The following ASCC2 variants were observed in gnomAD, a reference collection of about 807,000 sequenced individuals.
ASCC2 encodes the protein ASC-1 complex subunit P100.
In ASCC2, 42 loss-of-function variants were observed where a neutral mutation model predicts 93.5. That is an observed-to-expected ratio of 0.45 (90% confidence interval 0.35 to 0.58). The LOEUF is 0.58. Among genes scored for constraint, ASCC2 ranks in the 20% least tolerant of loss-of-function variants. The pLI is 0.00. For missense variants in ASCC2, 859 were observed against 977.6 expected (o/e 0.88, Z 1.62); for synonymous variants, 364 against 384.2 (o/e 0.95, Z 0.62).
In ASCC2 at chr22:29,804,643, C is replaced by T. The variant is rs1266995022; in HGVS notation, c.1348G>A (p.Glu450Lys). Residue 450 changes from glutamate to lysine, a missense_variant, in exon 13 of 20, where the codon GAG (glutamate) becomes AAG (lysine). Transcript: ENST00000307790. ...AGCGCCACTCAGACACATACCTCCTCTTCCTCCGAGTTCTCCGGATGTGAT... is the reference window on the plus strand; with the variant it reads ...AGCGCCACTCAGACACATACCTCCTTTTCCTCCGAGTTCTCCGGATGTGAT... ...ASSHPENSEE[E>K]ECMGAAAAVG... 2.5e-6 allele frequency: 4 copies of T among 1,613,806 alleles called. No homozygotes were observed. In the Admixed American group the frequency reaches 6.7e-5, roughly 27 times the overall value.
intron 8 of ASCC2, among the ~76,000 whole-genome samples, chr22:29,812,851 C>G (rs2060428546): frequency 6.6e-6 from 1 of 151,370 alleles, no homozygotes; most frequent in East Asian, 2.0e-4. Flanking sequence ...TCCCCCCAGG[C>G]TACTCTATTG....
chr22:29,809,622 T>C (rs1417490214), intron 8 of ASCC2, among the ~76,000 whole-genome samples: 1 of 151,656 alleles, frequency 6.6e-6, no homozygotes, highest in Non-Finnish European at 1.5e-5. Flanking sequence ...CCACTAAAAA[T>C]ACGAAAATTA....
intron 15 of ASCC2, among the ~76,000 whole-genome samples, chr22:29,796,926 G>A (rs1569367074): frequency 6.6e-6 from 1 of 152,162 alleles, no homozygotes; most frequent in Non-Finnish European, 1.5e-5. Flanking sequence ...GTTCTTTCAT[G>A]CTGTGTGGCC....
At chr22:29,806,130 T>C (rs1601934587) in intron 12 of ASCC2, 86 bp downstream of exon 12, 1 of 1,452,640 alleles carries the variant, frequency 6.9e-7, no homozygotes, top group Non-Finnish European at 9.7e-7. Flanking sequence ...TAAACCTCTT[T>C]CCACTCCTCT....
intron 15 of ASCC2, among the ~76,000 whole-genome samples, chr22:29,796,465 G>A (rs2058455710): frequency 6.6e-6 from 1 of 152,156 alleles, no homozygotes; most frequent in Non-Finnish European, 1.5e-5. Context: ...CAAAGGGAAT[G>A]AACTTGGTTC....
chr22:29,802,066 T>C lies in ASCC2; in HGVS notation c.1496A>G (p.Glu499Gly), dbSNP rs998240201. The C allele has an allele frequency of 2.5e-6, 4 of 1,613,938 alleles. No individual in the cohort carries two copies. Among genetic ancestry groups the C allele is most frequent in the Non-Finnish European group, 1.7e-6 (2 of 1,179,992 alleles). The change falls in exon 14 of 20, where the codon GAG (glutamate) becomes GGG (glycine). Residue 499 changes from glutamate (E) to glycine (G), a missense_variant. Transcript: ENST00000307790. The part of the protein sequence containing the change: ...ACLEYYHYDP[E>G]QVINNILEER... ...CTCCAGGATATTGTTGATCACCTGC[T>C]CTGGGTCGTAGTGGTAGTACTCCAG... is the stretch of plus-strand genomic sequence containing the variant.
At chr22:29,832,447 C>T (rs2063269544) in intron 1 of ASCC2, 105 bp from the exon 2 acceptor site, 13 of 873,076 alleles carry the variant, frequency 1.5e-5, no homozygotes, top group African/African-American at 3.4e-5. Context: ...TTCAACCTCT[C>T]GCCTTAGGAG....
rs2060617402 is a variant in ASCC2 at position 29,814,531 on chromosome 22, A to T, written c.720+126T>A. The T allele has an allele frequency of 6.1e-6, 4 of 660,340 alleles. No individual in the cohort carries two copies. The South Asian group carries it at 9.2e-5, about 15-fold the overall frequency. 40.9% of individuals were successfully genotyped at this position (660,340 alleles called of 1,614,324 possible). On this transcript the variant is annotated intron_variant, in intron 7 of 19. Coordinates refer to ENST00000307790, the MANE Select transcript of ASCC2 (RefSeq NM_032204.5). ...TAATAGTTGCTCACTGTGCTGGAGG[A>T]AGGGGCCCTGGGCAGGGAAGAGGCC... is the stretch of plus-strand genomic sequence containing the variant.
intron 6 of ASCC2, 109 bp downstream of exon 6, chr22:29,815,897 A>G: frequency 1.1e-6 from 1 of 893,006 alleles, no homozygotes; most frequent in Admixed American, 2.2e-5. Context: ...AGAGTCAGGG[A>G]ATAAACATTT....
chr22:29,818,415 C>CT (rs1480310428), intron 5 of ASCC2, among the ~76,000 whole-genome samples: 19 of 19,062 alleles, frequency 1.0e-3, no homozygotes, highest in Non-Finnish European at 2.4e-3. Context: ...CACACACACA[C>CT]ACACACACAC....
intron 2 of ASCC2, among the ~76,000 whole-genome samples, chr22:29,826,880 G>A (rs80074042): frequency 0.021 from 3,181 of 151,900 alleles, 96 homozygotes; most frequent in East Asian, 0.072. Context: ...GGCAGATCAC[G>A]AGGTCAGGAG....
intron 4 of ASCC2, among the ~76,000 whole-genome samples, chr22:29,823,768 A>G (rs1331468487): frequency 6.6e-6 from 1 of 151,920 alleles, no homozygotes; most frequent in Non-Finnish European, 1.5e-5. Flanking sequence ...GAATGCTTGA[A>G]TCCAGGAGGC....
chr22:29,803,846 C>A (rs1287276496), intron 13 of ASCC2, among the ~76,000 whole-genome samples: 1 of 152,182 alleles, frequency 6.6e-6, no homozygotes, highest in Non-Finnish European at 1.5e-5. Context: ...AGGGTCTGGG[C>A]TGGGAGGAAG....
chr22:29,829,911 G>A (rs1039495223), intron 2 of ASCC2, among the ~76,000 whole-genome samples: 2 of 152,106 alleles, frequency 1.3e-5, no homozygotes, highest in South Asian at 4.1e-4. Flanking sequence ...CTGAAAAGGT[G>A]GTGTGGTAAC....
At chr22:29,832,219 T>C in intron 2 of ASCC2, 26 bp downstream of exon 2, 1 of 1,583,460 alleles carries the variant, frequency 6.3e-7, no homozygotes. Flanking sequence ...AATATCAGGC[T>C]GAATGGCCTT....
At chr22:29,837,512 C>T (rs551669236) in intron 1 of ASCC2, among the ~76,000 whole-genome samples, 1 of 152,144 alleles carries the variant, frequency 6.6e-6, no homozygotes, top group Non-Finnish European at 1.5e-5. Flanking sequence ...TATGTCTGTG[C>T]CCACCACTGT....
chr22:29,797,529 T>G (rs1370367088), intron 15 of ASCC2, among the ~76,000 whole-genome samples: 1 of 152,194 alleles, frequency 6.6e-6, no homozygotes, highest in Non-Finnish European at 1.5e-5. Context: ...TGCCACTTCC[T>G]GGGCTGTGTG....
At chr22:29,826,064 T>C (rs937151479) in intron 2 of ASCC2, 3 of 270,284 alleles carry the variant, frequency 1.1e-5, no homozygotes, top group African/African-American at 2.2e-5. Flanking sequence ...TAATCAGTTT[T>C]CATTTTCCTT....
In ASCC2 at chr22:29,808,204, G is replaced by A; in HGVS notation, c.834-19C>T. The stretch of plus-strand genomic sequence containing the variant: ...AGCTAGTCTGTGCAGGCACACACAG[G>A]GAAAATGTTGGATTAGTTCATAAAT... On this transcript the variant is annotated intron_variant, in intron 8 of 19. Coordinates refer to ENST00000307790, the MANE Select transcript of ASCC2 (RefSeq NM_032204.5). 6.2e-6 allele frequency: 10 copies of A among 1,612,496 alleles called. No homozygotes were observed. The highest frequency in any genetic ancestry group is 8.5e-6 in the Non-Finnish European group (10 of 1,178,748).
Sources: gnomAD v4.1 joint callset for allele counts (sites outside exome capture counted in the v4.1 genomes callset) on GRCh38, gnomAD v4.1.1 for gene constraint, MANE v1.5 for transcripts, NCBI Gene and HGNC (gene_info 2026-07-23, HGNC 2026-07-21) for gene names.